Variants in LAPTM4B observed in about 807,000 individuals in gnomAD.
LAPTM4B encodes lysosomal protein transmembrane 4 beta.
A neutral mutation model predicts 28.5 loss-of-function variants in LAPTM4B; 26 were observed. The ratio of observed to expected loss-of-function variants is 0.91; its 90% CI spans 0.67 to 1.27. The LOEUF is 1.27. LAPTM4B is among the 50% of genes most tolerant of loss of function. LAPTM4B has a pLI of 0.00. For missense variants in LAPTM4B, 288 were observed against 285.8 expected, an observed-to-expected ratio of 1.01 and a Z score of -0.06; for synonymous variants, 109 against 106.4, an observed-to-expected ratio of 1.02 and a Z score of -0.15.
chr8:97,803,158 C>T (rs759842446), intron 1 of LAPTM4B, among the ~76,000 whole-genome samples: 1 of 151,094 alleles, frequency 6.6e-6, no homozygotes, highest in Non-Finnish European at 1.5e-5. Flanking sequence ...GAGATCGTGC[C>T]ACTACACTCC....
intron 2 of LAPTM4B, among the ~76,000 whole-genome samples, chr8:97,810,133 G>T (rs986180079): frequency 6.6e-6 from 1 of 151,928 alleles, no homozygotes; most frequent in African/African-American, 2.4e-5. Context: ...TGTTGCCCAG[G>T]CTGGTCTCAA....
Position 97,796,498 on chromosome 8 carries a change from C to A in LAPTM4B, c.100-8855C>A, listed in dbSNP as rs149855482. On this transcript the variant is annotated intron_variant, in intron 1 of 6. Coordinates refer to ENST00000521545, the MANE Select transcript of LAPTM4B (RefSeq NM_018407.6). ...CTGGACAGATTTGTTTATTATTGAT[C>A]ATTGTCTTAGCATGTTAGTTGTTAT... Among the ~76,000 whole-genome samples the A allele has an allele frequency of 3.8e-3, 579 of 152,262 alleles. 7 individuals are homozygous for A. Among genetic ancestry groups the A allele is most frequent in the African/African-American group, 0.013 (559 of 41,542 alleles).
chr8:97,782,416 G>T lies in LAPTM4B; in HGVS notation c.99+6308G>T, dbSNP rs1283586446. Reference sequence around the variant, plus strand: ...GCCTCCCAAGTAGCTGGGACTACAGGCTCACACCACCACTCCACACCACTC... The same window carrying T: ...GCCTCCCAAGTAGCTGGGACTACAGTCTCACACCACCACTCCACACCACTC... On this transcript the variant is annotated intron_variant, in intron 1 of 6. Coordinates refer to ENST00000521545, the MANE Select transcript of LAPTM4B (RefSeq NM_018407.6). 2.0e-5 allele frequency among the ~76,000 whole-genome samples: 3 copies of T among 148,276 alleles called. No homozygotes were observed. The East Asian group carries it at 6.2e-4, about 31-fold the overall frequency.
chr8:97,823,344 G>GTTTTT (rs10561869), intron 5 of LAPTM4B, among the ~76,000 whole-genome samples: 6 of 109,284 alleles, frequency 5.5e-5, no homozygotes, highest in Non-Finnish European at 1.2e-4. Flanking sequence ...ATACAATATG[G>GTTTTT]TTTTTTTTTT....
chr8:97,780,050 C>CAAA (rs57555167), intron 1 of LAPTM4B, among the ~76,000 whole-genome samples: 1 of 91,888 alleles, frequency 1.1e-5, no homozygotes, highest in African/African-American at 4.1e-5. Context: ...GACTCTGTCT[C>CAAA]AAAAAAAAAA....
At chr8:97,786,505 C>G (rs1165533207) in intron 1 of LAPTM4B, among the ~76,000 whole-genome samples, 1 of 151,318 alleles carries the variant, frequency 6.6e-6, no homozygotes, top group Non-Finnish European at 1.5e-5. Flanking sequence ...AGTTCGAGAC[C>G]AGCCTGACCA....
intron 5 of LAPTM4B, among the ~76,000 whole-genome samples, chr8:97,822,520 G>C (rs1488209017): frequency 2.1e-5 from 3 of 144,942 alleles, no homozygotes; most frequent in Non-Finnish European, 4.5e-5. Flanking sequence ...CTGTCAGTAT[G>C]ACTTCTATTT....
chr8:97,804,746 G>A (rs575055477), intron 1 of LAPTM4B, among the ~76,000 whole-genome samples: 64 of 152,286 alleles, frequency 4.2e-4, no homozygotes, highest in African/African-American at 1.4e-3. Context: ...TCATTTAGAG[G>A]AGCTGAGTTT....
intron 6 of LAPTM4B, among the ~76,000 whole-genome samples, chr8:97,837,546 G>T (rs1177321378): frequency 6.7e-6 from 1 of 148,370 alleles, no homozygotes; most frequent in African/African-American, 2.5e-5. Context: ...AATGAGTTCT[G>T]TTTTTTTTTT....
At chr8:97,840,921 G>A (rs116098648) in intron 6 of LAPTM4B, among the ~76,000 whole-genome samples, 3,917 of 150,410 alleles carry the variant, frequency 0.026, 153 homozygotes, top group African/African-American at 0.089. Flanking sequence ...GGTGGCAGCC[G>A]GGCGGAGGCC....
At chr8:97,810,458 A>G (rs1816809832) in intron 2 of LAPTM4B, among the ~76,000 whole-genome samples, 1 of 152,214 alleles carries the variant, frequency 6.6e-6, no homozygotes, top group Non-Finnish European at 1.5e-5. Flanking sequence ...TAAATTGTTA[A>G]TAGGGGAAGC....
intron 1 of LAPTM4B, among the ~76,000 whole-genome samples, chr8:97,784,470 C>T (rs149531494): frequency 6.6e-6 from 1 of 152,160 alleles, no homozygotes. Context: ...GACGGAGTCT[C>T]GCTCTGTCAC....
At chr8:97,821,193 G>A (rs909006753) in intron 5 of LAPTM4B, among the ~76,000 whole-genome samples, 3 of 151,996 alleles carry the variant, frequency 2.0e-5, no homozygotes, top group African/African-American at 7.2e-5. Flanking sequence ...AAAATTAGTT[G>A]GGCATGGTGG....
chr8:97,791,040 G>GA (rs1328438036), intron 1 of LAPTM4B, among the ~76,000 whole-genome samples: 2 of 152,110 alleles, frequency 1.3e-5, no homozygotes, highest in Non-Finnish European at 2.9e-5. Context: ...GAGTAGCTGG[G>GA]ACCACAGGCA....
intron 1 of LAPTM4B, among the ~76,000 whole-genome samples, chr8:97,785,121 T>C (rs1816380537): frequency 6.6e-6 from 1 of 152,090 alleles, no homozygotes; most frequent in Non-Finnish European, 1.5e-5. Context: ...AGTTTCATTC[T>C]GTCACCCATG....
intron 1 of LAPTM4B, among the ~76,000 whole-genome samples, chr8:97,780,558 G>A (rs570339286): frequency 7.1e-4 from 108 of 152,086 alleles, no homozygotes; most frequent in African/African-American, 2.4e-3. Flanking sequence ...TACCAATACC[G>A]TTTACTAAGG....
chr8:97,790,445 G>A (rs1305635197), intron 1 of LAPTM4B, among the ~76,000 whole-genome samples: 1 of 151,628 alleles, frequency 6.6e-6, no homozygotes, highest in Admixed American at 6.6e-5. Context: ...CTGAGTAGCT[G>A]GGACTAAAGG....
chr8:97,842,756 A>C (rs1490528809), intron 6 of LAPTM4B, among the ~76,000 whole-genome samples: 1 of 151,814 alleles, frequency 6.6e-6, no homozygotes, highest in Non-Finnish European at 1.5e-5. Flanking sequence ...TGACCTTGTG[A>C]TCTGCCCGCC....
intron 2 of LAPTM4B, 76 bp from the exon 3 acceptor site, chr8:97,815,252 A>C (rs1816890377): frequency 9.4e-7 from 1 of 1,062,044 alleles, no homozygotes; most frequent in Admixed American, 1.8e-5. Flanking sequence ...AATGCCTTTG[A>C]GAAGAGACTG....
Sources: gnomAD v4.1 joint callset for allele counts (sites outside exome capture counted in the v4.1 genomes callset) on GRCh38, gnomAD v4.1.1 for gene constraint, MANE v1.5 for transcripts, NCBI Gene and HGNC (gene_info 2026-07-23, HGNC 2026-07-21) for gene names.